The following PALM2AKAP2 variants were observed in gnomAD, a reference collection of about 807,000 sequenced individuals.
PALM2AKAP2 encodes the protein PALM2-AKAP2 fusion protein.
PALM2AKAP2 carries 37 observed loss-of-function variants against 71.5 expected under a neutral mutation model. The observed-to-expected ratio is 0.52, with a 90% CI of 0.40 to 0.68. PALM2AKAP2 has a LOEUF of 0.68. Among genes scored for constraint, PALM2AKAP2 ranks in the 30% least tolerant of loss-of-function variants. The probability of loss-of-function intolerance (pLI) is 0.00; values close to 1 mark genes in which losing one functional copy is unlikely to be tolerated. For synonymous variants in PALM2AKAP2, 468 were observed against 478.8 expected (o/e 0.98, Z 0.29); for missense variants, 1,224 against 1,191.8 (o/e 1.03, Z -0.40).
chr9:110,111,938 C>T (rs1372179016), intron 1 of PALM2AKAP2, among the ~76,000 whole-genome samples: 1 of 152,074 alleles, frequency 6.6e-6, no homozygotes, highest in East Asian at 1.9e-4. Flanking sequence ...TTTCAGATCC[C>T]CACCTTCTGC....
chr9:109,953,198 C>T (rs1445599417), intron 6 of PALM2AKAP2, among the ~76,000 whole-genome samples: 2 of 152,276 alleles, frequency 1.3e-5, no homozygotes, highest in African/African-American at 2.4e-5. Flanking sequence ...GATTATATCT[C>T]ATCATGGAGG....
intron 1 of PALM2AKAP2, among the ~76,000 whole-genome samples, chr9:110,119,144 A>T (rs1835427554): frequency 6.6e-6 from 1 of 152,078 alleles, no homozygotes; most frequent in South Asian, 2.1e-4. Flanking sequence ...AGAGATCGAG[A>T]CCATCCTGGC....
chr9:109,920,452 G>A (rs565464859), intron 3 of PALM2AKAP2, among the ~76,000 whole-genome samples: 41 of 151,142 alleles, frequency 2.7e-4, no homozygotes, highest in African/African-American at 9.2e-4. Flanking sequence ...GCTCGCTGCA[G>A]CCTTGCAGCC....
Position 109,968,484 on chromosome 9 carries a change from C to T in PALM2AKAP2, c.496+36456C>T, listed in dbSNP as rs533703623. On this transcript the variant is annotated intron_variant, in intron 6 of 9. Transcript: ENST00000302798. ...CTCAGTGAAAGGTTTTCTCCGAAGACGTCTAGCTATATCATCAACAGGAAA... is the reference window on the plus strand; with the variant it reads ...CTCAGTGAAAGGTTTTCTCCGAAGATGTCTAGCTATATCATCAACAGGAAA... Among the ~76,000 whole-genome samples the T allele has an allele frequency of 7.2e-5, 11 of 152,300 alleles. No homozygotes were observed. The East Asian group carries it at 1.7e-3, about 24-fold the overall frequency.
chr9:109,681,870 A>G (rs1054026052), intron 1 of PALM2AKAP2, among the ~76,000 whole-genome samples: 1 of 152,172 alleles, frequency 6.6e-6, no homozygotes, highest in African/African-American at 2.4e-5. Context: ...AAGTTTAATC[A>G]GCACCCCTCT....
At chr9:109,783,126 C>A (rs577960453) in intron 1 of PALM2AKAP2, among the ~76,000 whole-genome samples, 2 of 152,132 alleles carry the variant, frequency 1.3e-5, no homozygotes, top group Admixed American at 6.5e-5. Flanking sequence ...GGTCTCAGCT[C>A]CTTCATCTGT....
rs1359386685 is a variant in PALM2AKAP2 at position 109,932,097 on chromosome 9, G to A, written c.496+69G>A. ...TTGCATTTCACTGAGCTTTATTAAT[G>A]AGATGAGTGCCCTGCTATCCTTACA... is the stretch of plus-strand genomic sequence containing the variant. On this transcript the variant is annotated intron_variant, in intron 6 of 9. Transcript: ENST00000302798. 6 of 1,470,664 alleles carry A rather than the reference G, an allele frequency of 4.1e-6. No individual in the cohort carries two copies. The South Asian group carries it at 6.4e-5, about 16-fold the overall frequency. 91.1% of individuals were successfully genotyped at this position (1,470,664 alleles called of 1,614,324 possible).
intron 1 of PALM2AKAP2, among the ~76,000 whole-genome samples, chr9:110,053,476 C>CGAGATGGA (rs944810444): frequency 1.5e-5 from 2 of 137,042 alleles, no homozygotes; most frequent in African/African-American, 5.5e-5. Flanking sequence ...TGCAGTGAGC[C>CGAGATGGA]GAGATGGAGC....
chr9:109,868,599 T>C (rs1306461057), intron 2 of PALM2AKAP2, among the ~76,000 whole-genome samples: 2 of 152,162 alleles, frequency 1.3e-5, no homozygotes, highest in Non-Finnish European at 2.9e-5. Flanking sequence ...GAAAACAGGA[T>C]TGTGCTAAAT....
At chr9:109,672,435 C>T (rs1178134865) in intron 1 of PALM2AKAP2, among the ~76,000 whole-genome samples, 1 of 152,204 alleles carries the variant, frequency 6.6e-6, no homozygotes, top group East Asian at 1.9e-4. Flanking sequence ...ACCAACCTTG[C>T]ATCCTAGGGA....
chr9:110,161,175 C>T (rs1052079754), intron 3 of PALM2AKAP2, among the ~76,000 whole-genome samples: 9 of 152,316 alleles, frequency 5.9e-5, no homozygotes, highest in African/African-American at 2.2e-4. Context: ...AGCTCCCAGC[C>T]ATTAGCCCAA....
chr9:109,725,232 A>G (rs1284152291), intron 1 of PALM2AKAP2, among the ~76,000 whole-genome samples: 2 of 152,160 alleles, frequency 1.3e-5, no homozygotes, highest in Non-Finnish European at 2.9e-5. Context: ...TAAAAGGAAA[A>G]ATCAATAATA....
At chr9:109,886,016 C>A (rs966642794) in intron 3 of PALM2AKAP2, among the ~76,000 whole-genome samples, 1 of 152,182 alleles carries the variant, frequency 6.6e-6, no homozygotes, top group Admixed American at 6.5e-5. Context: ...CAGCTTTTCC[C>A]TGGGTAATGT....
chr9:109,879,889 G>C (rs1394293594), intron 2 of PALM2AKAP2, among the ~76,000 whole-genome samples: 1 of 152,084 alleles, frequency 6.6e-6, no homozygotes, highest in African/African-American at 2.4e-5. Context: ...GTAGAGACAA[G>C]GTCTCACTAT....
chr9:109,818,233 T>C (rs956944149), intron 1 of PALM2AKAP2, among the ~76,000 whole-genome samples: 1 of 152,222 alleles, frequency 6.6e-6, no homozygotes, highest in Admixed American at 6.5e-5. Context: ...CTACACAATC[T>C]CTTTTTTTTT....
intron 3 of PALM2AKAP2, among the ~76,000 whole-genome samples, chr9:109,897,141 C>T (rs1281369934): frequency 6.6e-6 from 1 of 152,226 alleles, no homozygotes; most frequent in Non-Finnish European, 1.5e-5. Context: ...AGTAAGCATT[C>T]TTCCCTTCGT....
At position 110,017,653 on chromosome 9, in the gene PALM2AKAP2, T is replaced by G. The variant is rs1362666160; in HGVS notation, c.582+1614T>G. On this transcript the variant is annotated intron_variant, in intron 7 of 9. Transcript: ENST00000302798. ...GAAGACAGCATGTTGCCAGTGTAGC[T>G]GCAGATGTGGTACAGACAGACATTC... 2.6e-5 allele frequency among the ~76,000 whole-genome samples: 4 copies of G among 152,250 alleles called. No individual in the cohort carries two copies. In the East Asian group the frequency reaches 7.7e-4, roughly 29 times the overall value.
At chr9:110,044,154 C>T (rs1446389876), upstream of PALM2AKAP2, among the ~76,000 whole-genome samples, 1 of 152,014 alleles carries the variant, frequency 6.6e-6, no homozygotes, top group African/African-American at 2.4e-5. Flanking sequence ...TGTTTCTTCT[C>T]TGAAATTTTC....
chr9:109,679,741 C>CA (rs1369717194), intron 1 of PALM2AKAP2, among the ~76,000 whole-genome samples: 2 of 151,954 alleles, frequency 1.3e-5, no homozygotes, highest in Non-Finnish European at 2.9e-5. Flanking sequence ...AAAACAAAAA[C>CA]AAAAAAACCA....
Sources: allele counts gnomAD v4.1 joint callset (sites outside exome capture counted in the v4.1 genomes callset), GRCh38; gene constraint gnomAD v4.1.1; transcripts MANE v1.5; gene names NCBI Gene and HGNC (gene_info 2026-07-23, HGNC 2026-07-21).